The following CDKAL1 variants were observed in gnomAD, a reference collection of about 807,000 sequenced individuals.
CDKAL1 encodes the protein CDKAL1 threonylcarbamoyladenosine tRNA methylthiotransferase, also known as threonylcarbamoyladenosine tRNA methylthiotransferase.
In CDKAL1, 32 loss-of-function variants were observed where a neutral mutation model predicts 68.2. The ratio of observed to expected loss-of-function variants is 0.47; its 90% confidence interval spans 0.35 to 0.63. The LOEUF is 0.63. Ranked by LOEUF, CDKAL1 falls within the 30% of genes least tolerant of loss-of-function variation. The pLI, the probability that CDKAL1 is intolerant of heterozygous loss-of-function variation, is 0.00. For synonymous variants in CDKAL1, 234 were observed against 244.3 expected (o/e 0.96, Z 0.39); for missense variants, 606 against 696.7 (o/e 0.87, Z 1.47).
chr6:20,627,819 C>A (rs570392276), intron 4 of CDKAL1, among the ~76,000 whole-genome samples: 1 of 152,066 alleles, frequency 6.6e-6, no homozygotes, highest in African/African-American at 2.4e-5. Context: ...TAGCTATACA[C>A]CTAAGTATTT....
At chr6:21,016,846 G>A (rs1033377511) in intron 11 of CDKAL1, among the ~76,000 whole-genome samples, 5 of 152,148 alleles carry the variant, frequency 3.3e-5, no homozygotes, top group African/African-American at 1.2e-4. Context: ...CTTTAAGTAA[G>A]TATAGGTGGG....
chr6:20,909,265 C>T (rs920269553), intron 9 of CDKAL1, among the ~76,000 whole-genome samples: 1 of 151,938 alleles, frequency 6.6e-6, no homozygotes, highest in Non-Finnish European at 1.5e-5. Flanking sequence ...ATTCAAATTA[C>T]ACAGAGCTCA....
At chr6:20,730,494 AAAAGAAAG>A (rs143289855) in intron 5 of CDKAL1, among the ~76,000 whole-genome samples, 21,645 of 151,104 alleles carry the variant, frequency 0.14, 1,803 homozygotes, top group East Asian at 0.4. Context: ...AAAGAAAAAG[AAAAGAAAG>A]AAAGAAAGAA....
At chr6:20,936,693 CATTATCTTTTTT>C (rs1763736013) in intron 9 of CDKAL1, among the ~76,000 whole-genome samples, 1 of 152,044 alleles carries the variant, frequency 6.6e-6, no homozygotes, top group African/African-American at 2.4e-5. Flanking sequence ...CAAATACAGG[CATTATCTTTTTT>C]ATGTAGTGTG....
At chr6:20,721,579 C>G (rs1238726648) in intron 5 of CDKAL1, among the ~76,000 whole-genome samples, 1 of 152,110 alleles carries the variant, frequency 6.6e-6, no homozygotes, top group Middle Eastern at 3.2e-3. Context: ...GGTAGATACC[C>G]AGTAGTGGGA....
rs951407497 is a variant in CDKAL1 at position 21,231,740 on chromosome 6, T to C, written c.*701T>C. ...CACTGCGCCCGGCCTCTTTAATAAA[T>C]ATTTTTAAGTGCATCTTCCCCTTCA... is the stretch of plus-strand genomic sequence containing the variant. On this transcript the variant is annotated 3_prime_UTR_variant, in exon 16 of 16. Coordinates refer to ENST00000274695, the MANE Select transcript of CDKAL1 (RefSeq NM_017774.3). 1 of 152,208 alleles carries C rather than the reference T, an allele frequency of 6.6e-6. No homozygotes were observed. The highest frequency in any genetic ancestry group is 1.9e-4 in the East Asian group (1 of 5,186). 9.4% of individuals were successfully genotyped at this position (152,208 alleles called of 1,614,324 possible).
intron 9 of CDKAL1, among the ~76,000 whole-genome samples, chr6:20,883,669 GAA>G (rs1283955388): frequency 3.3e-5 from 5 of 152,324 alleles, no homozygotes; most frequent in Middle Eastern, 3.4e-3. Context: ...AAATGCATAA[GAA>G]AGTACAATGG....
chr6:20,708,645 C>T (rs953734872), intron 5 of CDKAL1, among the ~76,000 whole-genome samples: 6 of 152,302 alleles, frequency 3.9e-5, no homozygotes, highest in Non-Finnish European at 8.8e-5. Context: ...TCCCATCTGT[C>T]CTAGTCACTC....
intron 13 of CDKAL1, among the ~76,000 whole-genome samples, chr6:21,129,793 T>C (rs188008118): frequency 6.6e-6 from 1 of 151,602 alleles, no homozygotes; most frequent in East Asian, 1.9e-4. Flanking sequence ...GCATTGATGG[T>C]AGATAGCTTT....
intron 15 of CDKAL1, among the ~76,000 whole-genome samples, chr6:21,228,169 GGGCCCCTTCCAA>G (rs1455621409): frequency 3.3e-5 from 5 of 152,084 alleles, no homozygotes; most frequent in Admixed American, 6.6e-5. Flanking sequence ...TCAATTTGAG[GGGCCCCTTCCAA>G]GACCCTGTAC....
intron 4 of CDKAL1, among the ~76,000 whole-genome samples, chr6:20,640,821 T>C (rs886818567): frequency 2.0e-5 from 3 of 152,166 alleles, no homozygotes; most frequent in African/African-American, 7.2e-5. Context: ...GGCAAGTTAC[T>C]TTTCTTTTCT....
chr6:21,121,879 A>G (rs116192921), intron 13 of CDKAL1, among the ~76,000 whole-genome samples: 1,794 of 152,250 alleles, frequency 0.012, 45 homozygotes, highest in African/African-American at 0.04. Context: ...AACTTCAGCA[A>G]AGTGTGTATA....
At chr6:21,115,217 T>C (rs1774347818) in intron 13 of CDKAL1, among the ~76,000 whole-genome samples, 1 of 152,218 alleles carries the variant, frequency 6.6e-6, no homozygotes, top group South Asian at 2.1e-4. Flanking sequence ...TTCACCCAGC[T>C]CTTTATGTTT....
intron 7 of CDKAL1, among the ~76,000 whole-genome samples, chr6:20,780,670 CTTTT>C (rs1223553462): frequency 2.6e-5 from 1 of 38,176 alleles, no homozygotes; most frequent in African/African-American, 7.6e-5. Flanking sequence ...ATTTCTTTTT[CTTTT>C]TTTTTTTTTT....
chr6:20,638,763 A>G (rs886627895), intron 4 of CDKAL1, among the ~76,000 whole-genome samples: 3 of 151,380 alleles, frequency 2.0e-5, no homozygotes, highest in Admixed American at 6.6e-5. Flanking sequence ...CACCATAAGT[A>G]TCTGGGATTA....
chr6:20,772,351 T>TA (rs1476261502), intron 7 of CDKAL1, among the ~76,000 whole-genome samples: 4 of 152,338 alleles, frequency 2.6e-5, no homozygotes, highest in Admixed American at 2.0e-4. Context: ...AATGTTGAGT[T>TA]ATTGACATGG....
At chr6:20,939,888 T>C (rs1763891745) in intron 9 of CDKAL1, among the ~76,000 whole-genome samples, 2 of 152,214 alleles carry the variant, frequency 1.3e-5, no homozygotes, top group Non-Finnish European at 2.9e-5. Flanking sequence ...ATCTTACCTA[T>C]TTTCTGTGTT....
intron 5 of CDKAL1, among the ~76,000 whole-genome samples, chr6:20,714,378 CTTT>C (rs545162371): frequency 2.8e-5 from 2 of 72,722 alleles, no homozygotes; most frequent in African/African-American, 4.9e-5. Flanking sequence ...ATTGTCTGTT[CTTT>C]TTTTTTTTTT....
intron 15 of CDKAL1, among the ~76,000 whole-genome samples, chr6:21,227,389 G>C (rs573090974): frequency 2.0e-5 from 3 of 152,188 alleles, no homozygotes; most frequent in Admixed American, 6.5e-5. Flanking sequence ...TGCAAAGCTA[G>C]CTAGCTACTG....
Sources: allele counts gnomAD v4.1 joint callset (sites outside exome capture counted in the v4.1 genomes callset), GRCh38; gene constraint gnomAD v4.1.1; transcripts MANE v1.5; gene names NCBI Gene and HGNC (gene_info 2026-07-23, HGNC 2026-07-21).